ARRDC5: variants seen among roughly 807,000 people sequenced by gnomAD.
ARRDC5 encodes the protein arrestin domain-containing protein 5.
Under a neutral mutation model 13.3 loss-of-function variants are expected in ARRDC5, and 12 were observed. The observed-to-expected ratio is 0.90, with a 90% CI of 0.58 to 1.46. The LOEUF is 1.46. ARRDC5 is among the 40% of genes most tolerant of loss of function. The pLI, the probability that ARRDC5 is intolerant of heterozygous loss-of-function variation, is 0.00. For missense variants in ARRDC5, 406 were observed against 418.7 expected (o/e 0.97, Z 0.26); for synonymous variants, 181 against 173.4 (o/e 1.04, Z -0.34).
the ARRDC5 span, among the ~76,000 whole-genome samples, chr19:4,909,050 G>T: frequency 6.6e-6 from 1 of 152,194 alleles, no homozygotes; most frequent in African/African-American, 2.4e-5. Flanking sequence ...AGGCAGTGGG[G>T]CTTGGGGCGA....
At chr19:4,903,147 C>G, upstream of ARRDC5, 1 of 323,410 alleles carries the variant, frequency 3.1e-6, no homozygotes, top group Non-Finnish European at 6.0e-6. Flanking sequence ...CTGCCTCAGC[C>G]TCCTGAGTAG....
At chr19:4,916,431 C>T in the ARRDC5 span, among the ~76,000 whole-genome samples, 1 of 152,136 alleles carries the variant, frequency 6.6e-6, no homozygotes, top group African/African-American at 2.4e-5. Flanking sequence ...CAAAGGCCTC[C>T]CTGTGCCCTC....
At chr19:4,913,549 C>T in the ARRDC5 span, among the ~76,000 whole-genome samples, 1 of 151,902 alleles carries the variant, frequency 6.6e-6, no homozygotes, top group Non-Finnish European at 1.5e-5. Context: ...ACCACTGCAC[C>T]CAGCCACGTA....
At chr19:4,898,593 C>T (rs1342377460) in intron 1 of ARRDC5, among the ~76,000 whole-genome samples, 1 of 151,860 alleles carries the variant, frequency 6.6e-6, no homozygotes, top group Non-Finnish European at 1.5e-5. Context: ...AACTCCTGAC[C>T]TCAGATAATC....
chr19:4,915,339 A>T, the ARRDC5 span, among the ~76,000 whole-genome samples: 2 of 152,150 alleles, frequency 1.3e-5, no homozygotes, highest in African/African-American at 4.8e-5. Context: ...GTGACTCACC[A>T]CTGCTGTTGT....
At chr19:4,904,639 T>C (rs1056223446), upstream of ARRDC5, among the ~76,000 whole-genome samples, 1 of 152,146 alleles carries the variant, frequency 6.6e-6, no homozygotes, top group Non-Finnish European at 1.5e-5. Context: ...TATGCCTGCA[T>C]CTCCCCCATT....
intron 2 of ARRDC5, among the ~76,000 whole-genome samples, chr19:4,892,236 C>T (rs1378800472): frequency 2.6e-5 from 4 of 151,816 alleles, no homozygotes; most frequent in East Asian, 2.0e-4. Flanking sequence ...TACAGGCGCA[C>T]GCCACCACAC....
upstream of ARRDC5, among the ~76,000 whole-genome samples, chr19:4,907,704 C>CTTTTTTTTTTTT (rs59867968): frequency 2.1e-5 from 1 of 47,666 alleles, no homozygotes; most frequent in Non-Finnish European, 3.6e-5. Flanking sequence ...TTGGCCTGAT[C>CTTTTTTTTTTTT]TTTTTTTTTT....
intron 1 of ARRDC5, among the ~76,000 whole-genome samples, chr19:4,902,142 G>A (rs900706718): frequency 6.6e-6 from 1 of 151,980 alleles, no homozygotes; most frequent in African/African-American, 2.4e-5. Flanking sequence ...CACCTGCCTC[G>A]GCCTCTCAAA....
chr19:4,907,045 G>A (rs1013492963), upstream of ARRDC5, among the ~76,000 whole-genome samples: 2 of 152,214 alleles, frequency 1.3e-5, no homozygotes, highest in African/African-American at 2.4e-5. Flanking sequence ...GGACATCGTG[G>A]ATTAGAATGC....
At chr19:4,898,582 G>A (rs972414637) in intron 1 of ARRDC5, among the ~76,000 whole-genome samples, 4 of 151,588 alleles carry the variant, frequency 2.6e-5, no homozygotes, top group African/African-American at 7.3e-5. Context: ...GGCTGGTCTC[G>A]AACTCCTGAC....
In ARRDC5 at chr19:4,891,402, C is replaced by A; in HGVS notation, c.631G>T (p.Ala211Ser). 6.2e-7 allele frequency: 1 copy of A among 1,613,152 alleles called. No individual in the cohort carries two copies. Among genetic ancestry groups the A allele is most frequent in the Non-Finnish European group, 8.5e-7 (1 of 1,179,870 alleles). The change falls in exon 3 of 3, where the codon GCC (alanine) becomes TCC (serine). Residue 211 changes from alanine to serine, a missense_variant. Physicochemically the swap from Ala to Ser is moderately conservative, Grantham distance 99. Transcript: ENST00000650722. ...TCGTACTGTATGTGGGCATACAGGG[C>A]GAATACGACCGTCTTGATGCATTTG... ...TSKCIKTVVF[A>S]LYAHIQYEGF...
At chr19:4,895,843 G>A (rs1334752411) in intron 2 of ARRDC5, among the ~76,000 whole-genome samples, 5 of 152,194 alleles carry the variant, frequency 3.3e-5, no homozygotes, top group Non-Finnish European at 7.4e-5. Context: ...GGGTGGGGCC[G>A]TCCTGGGCAC....
intron 1 of ARRDC5, among the ~76,000 whole-genome samples, chr19:4,900,848 C>T (rs1343793326): frequency 3.9e-5 from 6 of 151,934 alleles, no homozygotes; most frequent in African/African-American, 7.3e-5. Flanking sequence ...GGAGAAACTC[C>T]GTCTCTACTA....
chr19:4,915,709 C>CAA, the ARRDC5 span, among the ~76,000 whole-genome samples: 17 of 150,174 alleles, frequency 1.1e-4, no homozygotes, highest in Non-Finnish European at 2.5e-4. Flanking sequence ...GACTCCGTCT[C>CAA]AAAAAAAAAG....
At chr19:4,901,888 A>C (rs570345353) in intron 1 of ARRDC5, among the ~76,000 whole-genome samples, 2 of 151,696 alleles carry the variant, frequency 1.3e-5, no homozygotes, top group South Asian at 4.2e-4. Flanking sequence ...TTCTACCTCC[A>C]CTATCTTTCT....
At chr19:4,905,701 A>G (rs1416387911), upstream of ARRDC5, among the ~76,000 whole-genome samples, 2 of 151,928 alleles carry the variant, frequency 1.3e-5, no homozygotes, top group Non-Finnish European at 1.5e-5. Flanking sequence ...TATTTTTAGT[A>G]GAGACGGGGT....
chr19:4,911,169 G>C, the ARRDC5 span: 1 of 872,798 alleles, frequency 1.1e-6, no homozygotes, highest in Non-Finnish European at 1.7e-6. Flanking sequence ...ATCTCTCCCG[G>C]AAGGAGAAGT....
intron 2 of ARRDC5, among the ~76,000 whole-genome samples, chr19:4,894,287 G>A (rs1286436223): frequency 1.3e-5 from 2 of 151,292 alleles, no homozygotes; most frequent in East Asian, 1.9e-4. Flanking sequence ...CGAGGCGGGC[G>A]GATCACAAGG....
Sources: gnomAD v4.1 joint callset for allele counts (sites outside exome capture counted in the v4.1 genomes callset) on GRCh38, gnomAD v4.1.1 for gene constraint, MANE v1.5 for transcripts, NCBI Gene and HGNC (gene_info 2026-07-23, HGNC 2026-07-21) for gene names.